MYO1D: variants seen among roughly 807,000 people sequenced by gnomAD.
MYO1D encodes the protein myosin ID.
A neutral mutation model predicts 122.0 loss-of-function variants in MYO1D; 83 were observed. The observed-to-expected ratio is 0.68, with a 90% CI of 0.57 to 0.82. The LOEUF is 0.82. Ranked by LOEUF, MYO1D falls within the 40% of genes least tolerant of loss-of-function variation. MYO1D has a pLI of 0.00. For synonymous variants in MYO1D, 464 were observed against 446.9 expected (o/e 1.04, Z -0.48); for missense variants, 1,157 against 1,269.5 (o/e 0.91, Z 1.35).
At chr17:32,688,767 T>C (rs2089055517) in intron 16 of MYO1D, among the ~76,000 whole-genome samples, 1 of 152,108 alleles carries the variant, frequency 6.6e-6, no homozygotes, top group South Asian at 2.1e-4. Context: ...AAACCTAAGA[T>C]TGTGATGCTG....
At position 32,691,245 on chromosome 17, in the gene MYO1D, A is replaced by G. The variant is rs533241720; in HGVS notation, c.2121+20743T>C. Reference sequence around the variant, plus strand: ...GTACTCCAGCCTGGGTGACAGAGCAAGAAGACACTGCCTCAAAAAAAAAAA... The same window carrying G: ...GTACTCCAGCCTGGGTGACAGAGCAGGAAGACACTGCCTCAAAAAAAAAAA... On this transcript the variant is annotated intron_variant, in intron 16 of 21. Transcript: ENST00000318217. 8.8e-5 allele frequency among the ~76,000 whole-genome samples: 13 copies of G among 147,572 alleles called. No individual in the cohort carries two copies. In the South Asian group the frequency reaches 2.9e-3, roughly 33 times the overall value.
intron 1 of MYO1D, among the ~76,000 whole-genome samples, chr17:32,791,828 T>C (rs1299909036): frequency 2.6e-5 from 4 of 152,172 alleles, no homozygotes; most frequent in African/African-American, 9.7e-5. Context: ...ACTCAAAAGA[T>C]GTAAATGAAT....
intron 1 of MYO1D, among the ~76,000 whole-genome samples, chr17:32,806,635 C>T (rs1220225828): frequency 6.6e-6 from 1 of 152,144 alleles, no homozygotes; most frequent in Non-Finnish European, 1.5e-5. Context: ...CCTCAGCCTC[C>T]CGAAGTGCAG....
At chr17:32,751,480 C>T (rs987905421) in intron 11 of MYO1D, among the ~76,000 whole-genome samples, 38 of 152,152 alleles carry the variant, frequency 2.5e-4, no homozygotes, top group African/African-American at 8.9e-4. Flanking sequence ...TCAAATAATT[C>T]CTGTTCACTG....
At position 32,712,198 on chromosome 17, in the gene MYO1D, G is replaced by C. The variant is rs1473127635; in HGVS notation, c.1914-3C>G. On this transcript the variant is annotated splice_region_variant and splice_polypyrimidine_tract_variant and intron_variant, in intron 15 of 21. Coordinates refer to ENST00000318217, the MANE Select transcript of MYO1D (RefSeq NM_015194.3). ...TGAATTCAGAGATCATCTTATACCT[G>C]GATGAAAAAAAGAAACAGGGTTAAG... 1 of 1,608,748 alleles carries C rather than the reference G, an allele frequency of 6.2e-7. No individual in the cohort carries two copies. Among genetic ancestry groups the C allele is most frequent in the South Asian group, 1.1e-5 (1 of 90,618 alleles).
At chr17:32,770,236 T>C (rs1048382061) in intron 6 of MYO1D, among the ~76,000 whole-genome samples, 2 of 152,182 alleles carry the variant, frequency 1.3e-5, no homozygotes, top group Non-Finnish European at 2.9e-5. Context: ...AATTAGCTTA[T>C]TTTGATTAAT....
chr17:32,599,080 T>C (rs1442822938), intron 21 of MYO1D, among the ~76,000 whole-genome samples: 2 of 152,212 alleles, frequency 1.3e-5, no homozygotes, highest in Non-Finnish European at 2.9e-5. Flanking sequence ...ATTCATTGAC[T>C]CTTGCTTTCA....
intron 1 of MYO1D, among the ~76,000 whole-genome samples, chr17:32,815,986 T>C (rs1163642913): frequency 6.6e-6 from 1 of 152,220 alleles, no homozygotes; most frequent in East Asian, 1.9e-4. Flanking sequence ...CATGGTAACC[T>C]AGTAGCAACT....
At chr17:32,777,229 C>T (rs2090181904) in intron 3 of MYO1D, among the ~76,000 whole-genome samples, 2 of 151,960 alleles carry the variant, frequency 1.3e-5, no homozygotes, top group Admixed American at 1.3e-4. Context: ...GGATATGTTA[C>T]AATTAAGAAA....
At chr17:32,518,365 T>C (rs1909972667) in intron 21 of MYO1D, 1 of 152,458 alleles carries the variant, frequency 6.6e-6, no homozygotes, top group African/African-American at 2.4e-5. Flanking sequence ...CGAAGAGCTC[T>C]CGCGGTAAAA....
chr17:32,614,678 G>C (rs1026886689), intron 20 of MYO1D, among the ~76,000 whole-genome samples: 1 of 152,158 alleles, frequency 6.6e-6, no homozygotes, highest in African/African-American at 2.4e-5. Context: ...AGGAAGCTCA[G>C]CTGTGTGGGC....
chr17:32,616,426 G>A (rs1157317108), intron 20 of MYO1D, among the ~76,000 whole-genome samples: 2 of 151,658 alleles, frequency 1.3e-5, no homozygotes, highest in East Asian at 1.9e-4. Context: ...CTCTGCCTCA[G>A]CCTCCCAAGT....
intron 14 of MYO1D, among the ~76,000 whole-genome samples, chr17:32,735,937 G>A (rs972717901): frequency 6.6e-6 from 1 of 151,424 alleles, no homozygotes; most frequent in African/African-American, 2.4e-5. Flanking sequence ...ATTTATGTGT[G>A]TCTCCTCTAA....
chr17:32,565,447 G>T (rs1005339876), intron 21 of MYO1D, among the ~76,000 whole-genome samples: 1 of 152,226 alleles, frequency 6.6e-6, no homozygotes, highest in African/African-American at 2.4e-5. Flanking sequence ...GGACCCTGGA[G>T]ATATGACCTG....
At chr17:32,672,082 G>C (rs79652838) in intron 16 of MYO1D, among the ~76,000 whole-genome samples, 16 of 152,204 alleles carry the variant, frequency 1.1e-4, no homozygotes, top group African/African-American at 3.9e-4. Flanking sequence ...AGGAAGGGAA[G>C]GGAGTGAGTG....
intron 12 of MYO1D, among the ~76,000 whole-genome samples, chr17:32,746,024 T>G (rs1032187036): frequency 6.6e-6 from 1 of 152,174 alleles, no homozygotes; most frequent in Non-Finnish European, 1.5e-5. Flanking sequence ...AATAGGAACT[T>G]TAGACACAGC....
intron 21 of MYO1D, among the ~76,000 whole-genome samples, chr17:32,503,027 G>T (rs1048435289): frequency 6.6e-6 from 1 of 152,152 alleles, no homozygotes; most frequent in Non-Finnish European, 1.5e-5. Flanking sequence ...AGCCATCATT[G>T]CAGGCAAATG....
intron 21 of MYO1D, among the ~76,000 whole-genome samples, chr17:32,554,215 G>A (rs1191328270): frequency 6.6e-6 from 1 of 151,910 alleles, no homozygotes; most frequent in Non-Finnish European, 1.5e-5. Context: ...CCCTGCCCCT[G>A]CCCCTACCTG....
chr17:32,573,215 T>C (rs541332697), intron 21 of MYO1D, among the ~76,000 whole-genome samples: 108 of 152,352 alleles, frequency 7.1e-4, no homozygotes, highest in African/African-American at 2.4e-3. Flanking sequence ...ATTTAAATAA[T>C]GTCCCCAAAT....
Sources: allele counts gnomAD v4.1 joint callset (sites outside exome capture counted in the v4.1 genomes callset), GRCh38; gene constraint gnomAD v4.1.1; transcripts MANE v1.5; gene names NCBI Gene and HGNC (gene_info 2026-07-23, HGNC 2026-07-21).